Variants in C1orf105 observed in about 807,000 individuals in gnomAD.
C1orf105 encodes uncharacterized protein C1orf105.
C1orf105 carries 17 observed loss-of-function variants against 20.8 expected under a neutral mutation model. The observed-to-expected ratio is 0.82, with a 90% confidence interval of 0.56 to 1.23. C1orf105 has a LOEUF of 1.23. Among genes scored for constraint, C1orf105 ranks in the 50% most tolerant of loss-of-function variants. C1orf105 has a pLI of 0.00. For synonymous variants in C1orf105, 72 were observed against 72.1 expected (o/e 1.00, Z 0.01); for missense variants, 219 against 213.5 (o/e 1.03, Z -0.16).
chr1:172,460,002 T>TCA (rs10693063), intron 4 of C1orf105, among the ~76,000 whole-genome samples: 40,246 of 151,930 alleles, frequency 0.26, 5,619 homozygotes, highest in South Asian at 0.41. Flanking sequence ...ATAGGAAAAT[T>TCA]CAGAGACAGA....
chr1:172,441,697 G>T, intron 1 of C1orf105: 1 of 1,500,318 alleles, frequency 6.7e-7, no homozygotes, highest in Non-Finnish European at 8.9e-7. Context: ...TAATCTATCA[G>T]CTTGCTTTAA....
intron 1 of C1orf105, 60 bp from the exon 2 acceptor site, chr1:172,445,013 G>A (rs184420542): frequency 2.4e-4 from 328 of 1,380,058 alleles, no homozygotes; most frequent in Non-Finnish European, 2.0e-4. Flanking sequence ...TTTGGCCATC[G>A]TAATGATAGC....
chr1:172,438,430 G>A (rs536272652), intron 1 of C1orf105, among the ~76,000 whole-genome samples: 11 of 152,234 alleles, frequency 7.2e-5, no homozygotes, highest in Middle Eastern at 3.4e-3. Flanking sequence ...AGACTTCAGC[G>A]GAGCAAATAA....
chr1:172,448,313 A>G, intron 2 of C1orf105, 128 bp from the exon 3 acceptor site: 2 of 658,006 alleles, frequency 3.0e-6, no homozygotes, highest in South Asian at 3.8e-5. Context: ...CAATGGCCTG[A>G]GTGCTCCAGA....
intron 4 of C1orf105, among the ~76,000 whole-genome samples, chr1:172,459,157 C>G (rs79557697): frequency 0.01 from 1,565 of 152,036 alleles, 13 homozygotes; most frequent in Middle Eastern, 0.017. Flanking sequence ...GATAGGACAC[C>G]CAAAGCACAA....
intron 2 of C1orf105, among the ~76,000 whole-genome samples, chr1:172,446,232 C>T (rs1647986470): frequency 6.6e-6 from 1 of 152,134 alleles, no homozygotes; most frequent in Admixed American, 6.5e-5. Context: ...GTTCAATAAA[C>T]TCAAAGGCCT....
At chr1:172,436,189 C>T (rs1186575420) in intron 1 of C1orf105, among the ~76,000 whole-genome samples, 1 of 152,146 alleles carries the variant, frequency 6.6e-6, no homozygotes, top group Non-Finnish European at 1.5e-5. Flanking sequence ...AGATTCAATG[C>T]CATCTCCATG....
At chr1:172,454,199 G>A (rs751239431) in intron 3 of C1orf105, among the ~76,000 whole-genome samples, 12 of 152,044 alleles carry the variant, frequency 7.9e-5, no homozygotes, top group Non-Finnish European at 1.5e-4. Flanking sequence ...TTCCATATCT[G>A]CCTCCCCTTG....
At chr1:172,450,711 TC>T (rs1654435425) in intron 3 of C1orf105, among the ~76,000 whole-genome samples, 2 of 152,064 alleles carry the variant, frequency 1.3e-5, no homozygotes, top group Non-Finnish European at 2.9e-5. Context: ...CACTTACTCC[TC>T]CCCTGCCCCG....
chr1:172,428,865 T>G (rs1467286465), intron 1 of C1orf105: 1 of 691,836 alleles, frequency 1.4e-6, no homozygotes, highest in East Asian at 2.7e-5. Context: ...GACAATAAAT[T>G]CCTGAAGCCA....
chr1:172,448,402 G>T, intron 2 of C1orf105, 39 bp from the exon 3 acceptor site: 1 of 1,372,514 alleles, frequency 7.3e-7, no homozygotes. Flanking sequence ...TTCAAACATG[G>T]GACTGCGGTT....
At chr1:172,442,485 G>A (rs375570541) in intron 1 of C1orf105, 2 of 1,614,066 alleles carry the variant, frequency 1.2e-6, no homozygotes, top group African/African-American at 2.7e-5. Flanking sequence ...CCCAATATTG[G>A]TATTTCCGAG....
At chr1:172,437,228 T>C (rs1297799645) in intron 1 of C1orf105, among the ~76,000 whole-genome samples, 2 of 152,188 alleles carry the variant, frequency 1.3e-5, no homozygotes, top group African/African-American at 4.8e-5. Context: ...AGCCATCCCA[T>C]TACTGGGTAT....
Position 172,442,619 on chromosome 1 carries a change from A to T in C1orf105, c.22-2454A>T, listed in dbSNP as rs767476786. Reference sequence around the variant, plus strand: ...TTGGTGTTAGTCACAGGTTGAGCATACATTATCCTTTCATTCAAACTCAGG... The same window carrying T: ...TTGGTGTTAGTCACAGGTTGAGCATTCATTATCCTTTCATTCAAACTCAGG... On this transcript the variant is annotated intron_variant, in intron 1 of 6. Coordinates refer to ENST00000367727, the MANE Select transcript of C1orf105 (RefSeq NM_139240.4). 3 of 1,605,674 alleles carry T rather than the reference A, an allele frequency of 1.9e-6. No individual in the cohort carries two copies. The African/African-American group carries it at 4.0e-5, about 21-fold the overall frequency.
At chr1:172,459,629 G>C (rs9425619) in intron 4 of C1orf105, among the ~76,000 whole-genome samples, 36,868 of 151,964 alleles carry the variant, frequency 0.24, 4,677 homozygotes, top group South Asian at 0.41. Context: ...CAGTTGCTTT[G>C]GAAAACAGTT....
At chr1:172,453,986 A>T (rs1648954789) in intron 3 of C1orf105, among the ~76,000 whole-genome samples, 1 of 152,218 alleles carries the variant, frequency 6.6e-6, no homozygotes, top group African/African-American at 2.4e-5. Context: ...TACAGTTGTC[A>T]TTAACCTAGC....
intron 5 of C1orf105, among the ~76,000 whole-genome samples, chr1:172,464,970 G>A (rs1649935146): frequency 6.6e-6 from 1 of 152,108 alleles, no homozygotes. Flanking sequence ...ATCACCTGCA[G>A]TCAGGAGTTT....
Position 172,465,292 on chromosome 1 carries a change from CA to C in C1orf105, c.342-5del. 1 of 1,604,552 alleles carries C rather than the reference CA, an allele frequency of 6.2e-7. No individual in the cohort carries two copies. Among genetic ancestry groups the C allele is most frequent in the South Asian group, 1.1e-5 (1 of 90,568 alleles). On this transcript the variant is annotated splice_polypyrimidine_tract_variant and splice_region_variant and intron_variant, in intron 5 of 6. Transcript: ENST00000367727. ...GACTAATGTGTTTTCTTGTTTCTTC[CA>C]ATCAGAATGAGTCTTCATCAACCCA...
intron 1 of C1orf105, among the ~76,000 whole-genome samples, chr1:172,425,745 T>A (rs1199007142): frequency 6.6e-6 from 1 of 152,146 alleles, no homozygotes. Context: ...CTTGTCAAAA[T>A]GCACATAACC....
Sources: gnomAD v4.1 joint callset for allele counts (sites outside exome capture counted in the v4.1 genomes callset) on GRCh38, gnomAD v4.1.1 for gene constraint, MANE v1.5 for transcripts, NCBI Gene and HGNC (gene_info 2026-07-23, HGNC 2026-07-21) for gene names.